ARFGAP2: variants seen among roughly 807,000 people sequenced by gnomAD.
ARFGAP2 encodes ADP-ribosylation factor GTPase-activating protein 2.
In ARFGAP2, 45 loss-of-function variants were observed where a neutral mutation model predicts 71.9. The observed-to-expected ratio is 0.63, with a 90% CI of 0.49 to 0.80. The LOEUF (loss-of-function observed/expected upper bound fraction) is 0.80. Ranked by LOEUF, ARFGAP2 falls within the 30% of genes least tolerant of loss-of-function variation. The probability of loss-of-function intolerance (pLI) is 0.00; values close to 1 mark genes in which losing one functional copy is unlikely to be tolerated. For missense variants in ARFGAP2, 633 were observed against 673.9 expected, an observed-to-expected ratio of 0.94 and a Z score of 0.67; for synonymous variants, 248 against 249.2, an observed-to-expected ratio of 1.00 and a Z score of 0.05.
intron 10 of ARFGAP2, 75 bp from the exon 11 acceptor site, chr11:47,168,326 GCAACTGGGTT>G: frequency 6.3e-7 from 1 of 1,592,992 alleles, no homozygotes; most frequent in Non-Finnish European, 8.6e-7. Flanking sequence ...ACAATGCCCA[GCAACTGGGTT>G]CTCCTTCACG....
At chr11:47,176,102 C>T (rs985007185) in intron 2 of ARFGAP2, 179 bp from the exon 3 acceptor site, 8 of 636,284 alleles carry the variant, frequency 1.3e-5, no homozygotes, top group Admixed American at 2.7e-5. Context: ...TTCATTTACT[C>T]CAAAGAGTAC....
At chr11:47,171,958 C>CA in intron 8 of ARFGAP2, 158 bp from the exon 9 acceptor site, 1 of 1,149,900 alleles carries the variant, frequency 8.7e-7, no homozygotes, top group Non-Finnish European at 1.2e-6. Context: ...AATAGTGCTC[C>CA]GCTGGAGCTG....
chr11:47,167,002 C>T, intron 12 of ARFGAP2, 116 bp from the exon 13 acceptor site: 1 of 1,330,024 alleles, frequency 7.5e-7, no homozygotes, highest in South Asian at 1.4e-5. Context: ...AGGTCCCATT[C>T]TGTCTGTGGC....
intron 5 of ARFGAP2, 148 bp from the exon 6 acceptor site, chr11:47,173,988 C>G: frequency 1.5e-5 from 21 of 1,436,504 alleles, no homozygotes; most frequent in Non-Finnish European, 2.0e-5. Flanking sequence ...ATCACAGTTG[C>G]TATTCACTGT....
chr11:47,170,602 G>A (rs777429793), intron 10 of ARFGAP2, among the ~76,000 whole-genome samples: 26 of 149,894 alleles, frequency 1.7e-4, no homozygotes, highest in Non-Finnish European at 2.4e-4. Flanking sequence ...AGCCAAGATC[G>A]TGCCATTGCA....
At chr11:47,176,067 C>A in intron 2 of ARFGAP2, 144 bp from the exon 3 acceptor site, 1 of 737,800 alleles carries the variant, frequency 1.4e-6, no homozygotes. Flanking sequence ...CCACACTACC[C>A]TGTCCATGAA....
At chr11:47,175,503 C>A in intron 3 of ARFGAP2, 190 bp from the exon 4 acceptor site, 1 of 864,570 alleles carries the variant, frequency 1.2e-6, no homozygotes, top group Non-Finnish European at 1.8e-6. Flanking sequence ...AGCGGGCCAT[C>A]CTCTGATATG....
At chr11:47,166,638 C>A (rs1395107665) in intron 13 of ARFGAP2, 39 bp from the exon 14 acceptor site, 9 of 1,606,904 alleles carry the variant, frequency 5.6e-6, no homozygotes, top group Non-Finnish European at 6.8e-6. Flanking sequence ...GATCTTGGGG[C>A]TGATGACCCA....
At chr11:47,173,694 C>T in intron 6 of ARFGAP2, 65 bp downstream of exon 6, 2 of 1,528,794 alleles carry the variant, frequency 1.3e-6, no homozygotes, top group Non-Finnish European at 1.8e-6. Context: ...GCCAGATGTC[C>T]CCTTCCAAAC....
chr11:47,173,109 C>T, intron 7 of ARFGAP2: 1 of 426,814 alleles, frequency 2.3e-6, no homozygotes, highest in South Asian at 2.2e-5. Flanking sequence ...GACAAGCCAG[C>T]CCTGCCTCAG....
At chr11:47,176,699 C>CA in intron 1 of ARFGAP2, 65 bp from the exon 2 acceptor site, 1 of 1,611,496 alleles carries the variant, frequency 6.2e-7, no homozygotes, top group Non-Finnish European at 8.5e-7. Context: ...ACCGACACCC[C>CA]AGAAACATAA....
chr11:47,175,433 C>A lies in ARFGAP2; in HGVS notation c.265-120G>T, dbSNP rs760017211. On this transcript the variant is annotated intron_variant, in intron 3 of 15. Coordinates refer to ENST00000524782, the MANE Select transcript of ARFGAP2 (RefSeq NM_032389.6). The stretch of plus-strand genomic sequence containing the variant: ...TATTATCTATACAGGATGATACACG[C>A]TACTGACACCGGTTTTTCAGAGATA... 6 of 1,438,128 alleles carry A rather than the reference C, an allele frequency of 4.2e-6. No homozygotes were observed. The Admixed American group carries it at 5.3e-5, about 13-fold the overall frequency. 89.1% of individuals were successfully genotyped at this position (1,438,128 alleles called of 1,614,324 possible).
At chr11:47,173,290 C>T (rs1458712021) in intron 7 of ARFGAP2, 136 bp downstream of exon 7, 2 of 1,027,202 alleles carry the variant, frequency 1.9e-6, no homozygotes, top group Admixed American at 2.1e-5. Flanking sequence ...AATCACAGTC[C>T]CCACTCCAGA....
chr11:47,172,414 G>A (rs1952641928), intron 7 of ARFGAP2, 81 bp from the exon 8 acceptor site: 6 of 1,495,954 alleles, frequency 4.0e-6, no homozygotes, highest in Non-Finnish European at 5.6e-6. Context: ...GCAGCTTCAT[G>A]GCAAGAGCTC....
At chr11:47,166,936 G>T (rs769991247) in intron 12 of ARFGAP2, 50 bp from the exon 13 acceptor site, 8 of 1,590,726 alleles carry the variant, frequency 5.0e-6, no homozygotes, top group Admixed American at 1.7e-5. Context: ...ATCATCAGGG[G>T]AGGCAGAGTA....
Position 47,168,126 on chromosome 11 carries a change from G to C in ARFGAP2, c.1067C>G (p.Pro356Arg), listed in dbSNP as rs1952460128. ...TACAGCTAGAAAACAGCCTTACTTT[G>C]GGGGTCCAGAGGCGAAAGTACCAAC... ...DDVGTFASGP[P>R]KYKDNPFSLG... Residue 356 changes from proline to arginine, a missense_variant, in exon 11 of 16, where the codon CCA (proline) becomes CGA (arginine). Pro to Arg is a moderately radical substitution (Grantham distance 103). Coordinates refer to ENST00000524782, the MANE Select transcript of ARFGAP2 (RefSeq NM_032389.6). 6.2e-7 allele frequency: 1 copy of C among 1,614,058 alleles called. No homozygotes were observed. The highest frequency in any genetic ancestry group is 1.1e-5 in the South Asian group (1 of 91,074).
chr11:47,173,748 G>C lies in ARFGAP2; in HGVS notation c.562+11C>G. 1 of 1,593,348 alleles carries C rather than the reference G, an allele frequency of 6.3e-7. No individual in the cohort carries two copies. The highest frequency in any genetic ancestry group is 8.6e-7 in the Non-Finnish European group (1 of 1,169,560). ...ACCAGGGCACCTGGTTGGAATCTGGGCTGAACTCACGTGCCAGGCCACTGC... is the reference window on the plus strand; with the variant it reads ...ACCAGGGCACCTGGTTGGAATCTGGCCTGAACTCACGTGCCAGGCCACTGC... On this transcript the variant is annotated intron_variant, in intron 6 of 15. Transcript: ENST00000524782.
Position 47,175,286 on chromosome 11 carries a change from T to C in ARFGAP2, c.292A>G (p.Thr98Ala). Residue 98 changes from threonine to alanine, a missense_variant, in exon 4 of 16, where the codon ACA becomes GCA. Transcript: ENST00000524782. ...ATAFFRQHGC[T>A]ANDANTKYNS... ...TATTTGGTGTTGGCATCATTGGCTG[T>C]GCATCCATGTTGGCGAAAAAAAGCC... The C allele has an allele frequency of 6.2e-7, 1 of 1,614,078 alleles. No homozygotes were observed. The highest frequency in any genetic ancestry group is 1.3e-5 in the African/African-American group (1 of 75,010).
rs745772452 is a variant in ARFGAP2 at position 47,166,912 on chromosome 11, G to A, written c.1206-26C>T. The A allele has an allele frequency of 1.2e-5, 20 of 1,606,812 alleles. No individual in the cohort carries two copies. The Middle Eastern group carries it at 5.0e-4, about 40-fold the overall frequency. ...CTGAGGGGAAGATGTGGAATATCTCGGACTCCTCCCATTATCATCAGGGGA... is the reference window on the plus strand; with the variant it reads ...CTGAGGGGAAGATGTGGAATATCTCAGACTCCTCCCATTATCATCAGGGGA... On this transcript the variant is annotated intron_variant, in intron 12 of 15. Coordinates refer to ENST00000524782, the MANE Select transcript of ARFGAP2 (RefSeq NM_032389.6).
Sources: gnomAD v4.1 joint callset for allele counts (sites outside exome capture counted in the v4.1 genomes callset) on GRCh38, gnomAD v4.1.1 for gene constraint, MANE v1.5 for transcripts, NCBI Gene and HGNC (gene_info 2026-07-23, HGNC 2026-07-21) for gene names.